The following ATP6V1B2 variants were observed in gnomAD, a reference collection of about 807,000 sequenced individuals.
ATP6V1B2 encodes ATPase H+ transporting V1 subunit B2.
In ATP6V1B2, 23 loss-of-function variants were observed where a neutral mutation model predicts 66.7. The ratio of observed to expected loss-of-function variants is 0.34; its 90% confidence interval spans 0.25 to 0.49. The LOEUF (loss-of-function observed/expected upper bound fraction) is 0.49. ATP6V1B2 is among the 20% of genes least tolerant of loss of function. The pLI, the probability that ATP6V1B2 is intolerant of heterozygous loss-of-function variation, is 0.99. For missense variants in ATP6V1B2, 478 were observed against 650.8 expected, an observed-to-expected ratio of 0.73 and a Z score of 2.89; for synonymous variants, 278 against 236.7, an observed-to-expected ratio of 1.17 and a Z score of -1.60.
chr8:20,217,332 C>A lies in ATP6V1B2; in HGVS notation c.1266+8C>A. ...GATGTATCTAACCAGCTAGTATGTACATTCTTCTAAGAATGGTGTTTGAAA... is the reference window on the plus strand; with the variant it reads ...GATGTATCTAACCAGCTAGTATGTAAATTCTTCTAAGAATGGTGTTTGAAA... On this transcript the variant is annotated splice_region_variant and intron_variant, in intron 12 of 13. Coordinates refer to ENST00000276390, the MANE Select transcript of ATP6V1B2 (RefSeq NM_001693.4). The A allele has an allele frequency of 6.3e-7, 1 of 1,594,068 alleles. No homozygotes were observed. Among genetic ancestry groups the A allele is most frequent in the Non-Finnish European group, 8.6e-7 (1 of 1,161,960 alleles).
intron 1 of ATP6V1B2, among the ~76,000 whole-genome samples, chr8:20,197,969 T>C (rs996392120): frequency 2.0e-5 from 3 of 152,192 alleles, no homozygotes; most frequent in Admixed American, 6.5e-5. Context: ...AATGGGGTCT[T>C]CAACTCCTGC....
chr8:20,197,693 G>T (rs892736365), intron 1 of ATP6V1B2, 151 bp downstream of exon 1: 3 of 1,106,524 alleles, frequency 2.7e-6, no homozygotes, highest in African/African-American at 3.3e-5. Context: ...CTCTTTAGAA[G>T]GAGATTTGCC....
chr8:20,211,145 T>C, intron 5 of ATP6V1B2, 32 bp from the exon 6 acceptor site: 3 of 1,594,224 alleles, frequency 1.9e-6, no homozygotes, highest in Non-Finnish European at 2.6e-6. Flanking sequence ...TGCGGCAACT[T>C]GTTGAAATTT....
Position 20,209,257 on chromosome 8 carries a change from G to A in ATP6V1B2, c.193-176G>A, listed in dbSNP as rs2072769417. Reference sequence around the variant, plus strand: ...GTTTGCTAGTATATGTGACAGTGATGTTTGCTGTAAGGACTTAAACTACCT... The same window carrying A: ...GTTTGCTAGTATATGTGACAGTGATATTTGCTGTAAGGACTTAAACTACCT... On this transcript the variant is annotated intron_variant, in intron 2 of 13. Transcript: ENST00000276390. Among the ~76,000 whole-genome samples the A allele has an allele frequency of 5.9e-5, 9 of 152,274 alleles. No homozygotes were observed. In the South Asian group the frequency reaches 1.9e-3, roughly 32 times the overall value.
chr8:20,200,985 G>A (rs749205825), intron 1 of ATP6V1B2, among the ~76,000 whole-genome samples: 9 of 152,210 alleles, frequency 5.9e-5, no homozygotes, highest in African/African-American at 9.6e-5. Context: ...ATTAAATGGT[G>A]TTACTAGTGT....
At chr8:20,213,075 T>A in intron 9 of ATP6V1B2, 170 bp downstream of exon 9, 1 of 785,948 alleles carries the variant, frequency 1.3e-6, no homozygotes, top group Non-Finnish European at 2.0e-6. Context: ...GTCAACTTGG[T>A]AGAAGTGATT....
At chr8:20,201,553 A>G (rs1196831831) in intron 1 of ATP6V1B2, among the ~76,000 whole-genome samples, 1 of 152,168 alleles carries the variant, frequency 6.6e-6, no homozygotes, top group East Asian at 1.9e-4. Context: ...TAGAAGCTGT[A>G]TGATCTCCAT....
intron 10 of ATP6V1B2, chr8:20,215,183 C>A: frequency 2.0e-6 from 1 of 494,898 alleles, no homozygotes; most frequent in Non-Finnish European, 3.4e-6. Flanking sequence ...AAGTTTTTAA[C>A]TTTATTAGGT....
At chr8:20,198,054 G>T (rs753137176) in intron 1 of ATP6V1B2, among the ~76,000 whole-genome samples, 30 of 152,210 alleles carry the variant, frequency 2.0e-4, no homozygotes, top group Non-Finnish European at 1.5e-4. Context: ...TAGCCAGAGG[G>T]AGATGTGGCT....
At chr8:20,199,834 C>T (rs1206014685) in intron 1 of ATP6V1B2, among the ~76,000 whole-genome samples, 2 of 152,128 alleles carry the variant, frequency 1.3e-5, no homozygotes, top group Non-Finnish European at 2.9e-5. Context: ...TGGTGGCGAA[C>T]TCCTGAGCTC....
chr8:20,217,925 C>T (rs959709661), intron 12 of ATP6V1B2, among the ~76,000 whole-genome samples: 1 of 152,094 alleles, frequency 6.6e-6, no homozygotes, highest in African/African-American at 2.4e-5. Flanking sequence ...AAGAAGTGTG[C>T]GTTTTGTAGA....
chr8:20,206,914 C>G (rs926454199), intron 2 of ATP6V1B2, among the ~76,000 whole-genome samples: 22 of 152,084 alleles, frequency 1.4e-4, no homozygotes, highest in African/African-American at 5.3e-4. Context: ...GGGTACAAAG[C>G]GATTAGAAGG....
chr8:20,197,437 A>G lies in ATP6V1B2; in HGVS notation c.31A>G (p.Asn11Asp), dbSNP rs1390392736. The change falls in exon 1 of 14, where the codon AAC (asparagine) becomes GAC (aspartate). Residue 11 changes from asparagine (N) to aspartate (D), a missense_variant. This residue lies in a region of ATP6V1B2 where 152 missense variants were observed against 105.2 expected (regional missense o/e 1.44). Transcript: ENST00000276390. MALRAMRGIV[N>D]GAAPELPVPT... Reference sequence around the variant, plus strand: ...GCTGCGGGCGATGCGGGGGATTGTCAACGGGGCCGCACCCGAGCTACCCGT... The same window carrying G: ...GCTGCGGGCGATGCGGGGGATTGTCGACGGGGCCGCACCCGAGCTACCCGT... The G allele has an allele frequency of 1.3e-6, 2 of 1,546,690 alleles. No individual in the cohort carries two copies. Among genetic ancestry groups the G allele is most frequent in the East Asian group, 2.6e-5 (1 of 37,834 alleles).
At position 20,220,426 on chromosome 8, in the gene ATP6V1B2, G is replaced by A. The variant is rs764715088; in HGVS notation, c.*24G>A. 2.4e-5 allele frequency: 36 copies of A among 1,528,720 alleles called. No individual in the cohort carries two copies. The highest frequency in any genetic ancestry group is 9.8e-5 in the East Asian group (4 of 40,792). The allele number at this position is 1,528,720 out of a possible 1,614,324, so 94.7% of individuals were successfully genotyped here. A position where few individuals can be genotyped will look rare whatever the true frequency, so the allele number is the denominator to read the frequency against. On this transcript the variant is annotated 3_prime_UTR_variant, in exon 14 of 14. Coordinates refer to ENST00000276390, the MANE Select transcript of ATP6V1B2 (RefSeq NM_001693.4). ...AGCTGCTGCTTCTGCATTGCTCCGC[G>A]CTCTTGTGAAATACTGGTTCTGTTT...
At chr8:20,208,099 G>A (rs565776720) in intron 2 of ATP6V1B2, among the ~76,000 whole-genome samples, 1 of 152,198 alleles carries the variant, frequency 6.6e-6, no homozygotes, top group Non-Finnish European at 1.5e-5. Context: ...TATAGCTAGG[G>A]AGAGTGTAAA....
At chr8:20,217,118 T>C (rs558206336) in intron 11 of ATP6V1B2, 102 bp from the exon 12 acceptor site, 2 of 980,804 alleles carry the variant, frequency 2.0e-6, no homozygotes, top group East Asian at 2.5e-5. Flanking sequence ...CGGTTGTCTT[T>C]GATTTAAGTT....
In ATP6V1B2 at chr8:20,220,801, G is replaced by T. The variant is rs1429010233; in HGVS notation, c.*399G>T. The T allele has an allele frequency of 1.3e-5, 2 of 155,666 alleles. No individual in the cohort carries two copies. The highest frequency in any genetic ancestry group is 4.8e-5 in the African/African-American group (2 of 41,400). 9.6% of individuals were successfully genotyped at this position (155,666 alleles called of 1,614,324 possible). ...GTCTCTACATTAGGGGCAAGATCCA[G>T]TCTGAGAGAAGTCTCCTTTGAGAAG... On this transcript the variant is annotated 3_prime_UTR_variant, in exon 14 of 14. Coordinates refer to ENST00000276390, the MANE Select transcript of ATP6V1B2 (RefSeq NM_001693.4).
Position 20,221,388 on chromosome 8 carries a change from T to C in ATP6V1B2, c.*986T>C, listed in dbSNP as rs1211472856. The C allele has an allele frequency of 1.3e-5, 2 of 152,592 alleles. No individual in the cohort carries two copies. The highest frequency in any genetic ancestry group is 3.8e-4 in the East Asian group (2 of 5,202). 9.5% of individuals were successfully genotyped at this position (152,592 alleles called of 1,614,324 possible). A position where few individuals can be genotyped will look rare whatever the true frequency, so the allele number is the denominator to read the frequency against. On this transcript the variant is annotated 3_prime_UTR_variant, in exon 14 of 14. Transcript: ENST00000276390. ...TCTCTCTACCTTTTCAGGGTAATCT[T>C]TGTGGCACAAACGATAGCATTTCCA...
At position 20,212,867 on chromosome 8, in the gene ATP6V1B2, C is replaced by T; in HGVS notation, c.889C>T (p.Leu297=). 6.2e-7 allele frequency: 1 copy of T among 1,613,708 alleles called. No individual in the cohort carries two copies. Among genetic ancestry groups the T allele is most frequent in the Non-Finnish European group, 8.5e-7 (1 of 1,179,754 alleles). ...YQCEKHVLVI[L]TDMSSYAEAL... ...ATGTGAGAAACATGTATTGGTTATT[C>T]TAACAGACATGAGTTCTTATGCTGA... Residue 297 remains leucine, a synonymous_variant, in exon 9 of 14, where the codon CTA becomes TTA. Coordinates refer to ENST00000276390, the MANE Select transcript of ATP6V1B2 (RefSeq NM_001693.4).
Sources: allele counts gnomAD v4.1 joint callset (sites outside exome capture counted in the v4.1 genomes callset), GRCh38; gene constraint gnomAD v4.1.1; regional missense constraint gnomAD v4.1.1; transcripts MANE v1.5; gene names NCBI Gene and HGNC (gene_info 2026-07-23, HGNC 2026-07-21).